The following GRM5 variants were observed in gnomAD, a reference collection of about 807,000 sequenced individuals.
GRM5 encodes the protein metabotropic glutamate receptor 5.
A neutral mutation model predicts 83.1 loss-of-function variants in GRM5; 19 were observed. The ratio of observed to expected loss-of-function variants is 0.23; its 90% CI spans 0.16 to 0.34. The LOEUF is 0.34. Among genes scored for constraint, GRM5 ranks in the 10% least tolerant of loss-of-function variants. The pLI is 1.00. For synonymous variants in GRM5, 675 were observed against 633.6 expected (o/e 1.07, Z -0.98); for missense variants, 1,160 against 1,588.3 (o/e 0.73, Z 4.58).
At chr11:89,044,851 A>T (rs752888711) in intron 2 of GRM5, among the ~76,000 whole-genome samples, 12 of 120,018 alleles carry the variant, frequency 1.0e-4, no homozygotes, top group Non-Finnish European at 2.0e-4. Flanking sequence ...AGTGGGGAGG[A>T]AAAAAAAAAA....
intron 3 of GRM5, among the ~76,000 whole-genome samples, chr11:88,734,632 C>A (rs1315796653): frequency 1.3e-5 from 2 of 151,928 alleles, no homozygotes; most frequent in Admixed American, 6.6e-5. Context: ...ATAGTAAATT[C>A]TCTTGGTTAC....
At chr11:88,937,283 T>G (rs907430963) in intron 2 of GRM5, among the ~76,000 whole-genome samples, 4 of 151,752 alleles carry the variant, frequency 2.6e-5, no homozygotes, top group African/African-American at 4.8e-5. Flanking sequence ...AAATAGTAAA[T>G]GATATTAGTA....
At chr11:88,765,429 C>T (rs1942609615) in intron 3 of GRM5, among the ~76,000 whole-genome samples, 1 of 147,092 alleles carries the variant, frequency 6.8e-6, no homozygotes, top group East Asian at 2.0e-4. Flanking sequence ...AGTGGAAGGA[C>T]TCACACTTTC....
At chr11:88,586,871 T>C (rs1943325506) in intron 7 of GRM5, among the ~76,000 whole-genome samples, 1 of 152,120 alleles carries the variant, frequency 6.6e-6, no homozygotes, top group Non-Finnish European at 1.5e-5. Context: ...TATTCTTCTG[T>C]CTGAAAACCT....
chr11:88,976,724 A>C (rs753996066), intron 2 of GRM5, among the ~76,000 whole-genome samples: 9 of 152,148 alleles, frequency 5.9e-5, no homozygotes, highest in Non-Finnish European at 1.0e-4. Context: ...ATCCAGAGTA[A>C]GTTTTTATAT....
intron 2 of GRM5, among the ~76,000 whole-genome samples, chr11:88,944,905 A>C (rs924648337): frequency 1.3e-5 from 2 of 152,090 alleles, no homozygotes; most frequent in Non-Finnish European, 2.9e-5. Flanking sequence ...CCAAATAAGA[A>C]AATAAGAACT....
chr11:88,555,047 T>C (rs1942595014), intron 8 of GRM5, among the ~76,000 whole-genome samples: 1 of 152,158 alleles, frequency 6.6e-6, no homozygotes, highest in Non-Finnish European at 1.5e-5. Flanking sequence ...AACATGCTGT[T>C]TGGACTCAGA....
chr11:88,592,528 T>TC (rs1163770904), intron 6 of GRM5, among the ~76,000 whole-genome samples: 3 of 152,138 alleles, frequency 2.0e-5, no homozygotes, highest in Non-Finnish European at 2.9e-5. Context: ...CAGTTGCATT[T>TC]CCCCCCACTA....
intron 1 of GRM5, among the ~76,000 whole-genome samples, chr11:89,051,528 G>A (rs1440805492): frequency 2.6e-5 from 4 of 151,970 alleles, no homozygotes; most frequent in Admixed American, 6.6e-5. Flanking sequence ...TGACCAACAT[G>A]GTGAAACCCC....
intron 2 of GRM5, among the ~76,000 whole-genome samples, chr11:88,956,533 G>A (rs1283907480): frequency 6.6e-6 from 1 of 152,176 alleles, no homozygotes; most frequent in Non-Finnish European, 1.5e-5. Flanking sequence ...CTGGGCGGGC[G>A]CGGTGGCTCA....
At chr11:88,800,522 T>C (rs1943369595) in intron 3 of GRM5, among the ~76,000 whole-genome samples, 1 of 152,166 alleles carries the variant, frequency 6.6e-6, no homozygotes, top group Admixed American at 6.6e-5. Context: ...ATATTGTGTT[T>C]ACCTTAAATC....
chr11:88,720,200 A>T lies in GRM5; in HGVS notation c.912-66797T>A, dbSNP rs187963081. On this transcript the variant is annotated intron_variant, in intron 3 of 9. Coordinates refer to ENST00000305447, the MANE Select transcript of GRM5 (RefSeq NM_001143831.3). The stretch of plus-strand genomic sequence containing the variant: ...GAGATATGCATGGAAGACAGGAAAA[A>T]TGGAAGGTCTCTACTATACACCATC... Among the ~76,000 whole-genome samples, 452 of 152,188 alleles carry T rather than the reference A, an allele frequency of 3.0e-3. 4 individuals carry two copies. Among genetic ancestry groups the T allele is most frequent in the Non-Finnish European group, 7.2e-4 (49 of 67,980 alleles).
chr11:88,924,134 C>CAAAAA (rs59939060), intron 2 of GRM5, among the ~76,000 whole-genome samples: 8,165 of 146,762 alleles, frequency 0.056, 451 homozygotes, highest in African/African-American at 0.14. Flanking sequence ...TAGCTATAAT[C>CAAAAA]AAAAAAAAAA....
intron 2 of GRM5, among the ~76,000 whole-genome samples, chr11:88,917,137 C>T (rs905026268): frequency 7.9e-5 from 12 of 152,242 alleles, no homozygotes; most frequent in East Asian, 1.9e-4. Flanking sequence ...CAGCTCAGTA[C>T]GAAGAGACAT....
chr11:88,855,044 C>T (rs1944450331), intron 2 of GRM5, among the ~76,000 whole-genome samples: 1 of 151,422 alleles, frequency 6.6e-6, no homozygotes, highest in Non-Finnish European at 1.5e-5. Flanking sequence ...GCAAAATAGC[C>T]ATTAAATATA....
intron 3 of GRM5, among the ~76,000 whole-genome samples, chr11:88,690,487 TA>T (rs149147155): frequency 6.6e-6 from 1 of 151,466 alleles, no homozygotes; most frequent in Admixed American, 6.6e-5. Context: ...CTTTATTTTT[TA>T]AAAAAAAATG....
intron 7 of GRM5, among the ~76,000 whole-genome samples, chr11:88,571,746 A>C (rs1268247422): frequency 6.6e-6 from 1 of 152,200 alleles, no homozygotes; most frequent in African/African-American, 2.4e-5. Context: ...TCCAAGATGT[A>C]ATCATCCTAA....
At chr11:88,629,714 C>T (rs898814777) in intron 4 of GRM5, among the ~76,000 whole-genome samples, 1 of 152,168 alleles carries the variant, frequency 6.6e-6, no homozygotes, top group East Asian at 1.9e-4. Context: ...TGTCCACAGA[C>T]TTCCATGACT....
Position 88,508,445 on chromosome 11 carries a change from G to C in GRM5, c.*147C>G. ...TTTCTTCGTCGGTTGTCATGAGATA[G>C]CACTACTGATCTCGTGTTTCCATTA... On this transcript the variant is annotated 3_prime_UTR_variant, in exon 10 of 10. Transcript: ENST00000305447. This position sits in a 1 kb window ranked among gnomAD's most constrained non-coding sequence, Gnocchi z 4.2. 1 of 565,184 alleles carries C rather than the reference G, an allele frequency of 1.8e-6. No individual in the cohort carries two copies. Among genetic ancestry groups the C allele is most frequent in the Admixed American group, 3.6e-5 (1 of 27,740 alleles). 35.0% of individuals were successfully genotyped at this position (565,184 alleles called of 1,614,324 possible). A position where few individuals can be genotyped will look rare whatever the true frequency, so the allele number is the denominator to read the frequency against.
Sources: gnomAD v4.1 joint callset for allele counts (sites outside exome capture counted in the v4.1 genomes callset) on GRCh38, gnomAD v4.1.1 for gene constraint, Gnocchi (gnomAD v3.1) non-coding constraint, MANE v1.5 for transcripts, NCBI Gene and HGNC (gene_info 2026-07-23, HGNC 2026-07-21) for gene names.